The following ZFHX3 variants were observed in gnomAD, a reference collection of about 807,000 sequenced individuals.
ZFHX3 encodes the protein zinc finger homeobox protein 3.
Under a neutral mutation model 279.1 loss-of-function variants are expected in ZFHX3, and 42 were observed. The ratio of observed to expected loss-of-function variants is 0.15; its 90% confidence interval spans 0.12 to 0.19. ZFHX3 has a LOEUF of 0.19. Ranked by LOEUF, ZFHX3 falls within the 10% of genes least tolerant of loss-of-function variation. The pLI is 1.00. For synonymous variants in ZFHX3, 2,293 were observed against 1,957.8 expected, an observed-to-expected ratio of 1.17 and a Z score of -4.52; for missense variants, 4,981 against 4,754.0, an observed-to-expected ratio of 1.05 and a Z score of -1.40.
intron 3 of ZFHX3, among the ~76,000 whole-genome samples, chr16:73,421,962 T>A (rs1434584118): frequency 6.6e-6 from 1 of 152,150 alleles, no homozygotes; most frequent in Non-Finnish European, 1.5e-5. Flanking sequence ...CCTACAAGAT[T>A]CCAGGACAAA....
intron 1 of ZFHX3, among the ~76,000 whole-genome samples, chr16:72,969,298 A>C (rs1251456299): frequency 6.6e-6 from 1 of 152,178 alleles, no homozygotes; most frequent in Non-Finnish European, 1.5e-5. Flanking sequence ...CCTCCAGCCA[A>C]GAGGCTTCTA....
chr16:73,176,279 C>T (rs748275976), intron 5 of ZFHX3, among the ~76,000 whole-genome samples: 1 of 152,204 alleles, frequency 6.6e-6, no homozygotes, highest in Non-Finnish European at 1.5e-5. Flanking sequence ...TGAATTAACT[C>T]ATCAACTACC....
intron 2 of ZFHX3, among the ~76,000 whole-genome samples, chr16:73,469,000 G>A (rs2018618505): frequency 6.6e-6 from 1 of 152,218 alleles, no homozygotes. Context: ...TGTAAGGTAG[G>A]TAGTAGCATC....
intron 4 of ZFHX3, among the ~76,000 whole-genome samples, chr16:73,284,615 A>C (rs1212224586): frequency 1.3e-5 from 2 of 152,132 alleles, no homozygotes; most frequent in South Asian, 4.1e-4. Context: ...TCTTACGAGA[A>C]TATCATGAAA....
chr16:73,074,763 A>ATTCC (rs1261736053), intron 8 of ZFHX3, among the ~76,000 whole-genome samples: 1 of 147,170 alleles, frequency 6.8e-6, no homozygotes, highest in African/African-American at 2.5e-5. Context: ...CCTAAACCAA[A>ATTCC]TTCCTTCCTT....
chr16:73,162,267 T>A (rs1967256417), intron 5 of ZFHX3, among the ~76,000 whole-genome samples: 1 of 152,188 alleles, frequency 6.6e-6, no homozygotes. Flanking sequence ...GGTATTGGAT[T>A]GTTATAGCAG....
rs896409981 is a variant in ZFHX3 at position 73,855,730 on chromosome 16, C to A, written c.-1608+35921G>T. ...AACAAAACTAAACTTCCCAAATAAG[C>A]TACATGTGGAAAATGTCTCATCATC... is the stretch of plus-strand genomic sequence containing the variant. On this transcript the variant is annotated intron_variant, in intron 1 of 17. Coordinates refer to the ZFHX3 transcript ENST00000641206. 4.6e-5 allele frequency among the ~76,000 whole-genome samples: 7 copies of A among 152,210 alleles called. No homozygotes were observed. The East Asian group carries it at 5.8e-4, about 13-fold the overall frequency.
At chr16:72,821,050 A>G (rs1214502183) in intron 5 of ZFHX3, among the ~76,000 whole-genome samples, 1 of 152,160 alleles carries the variant, frequency 6.6e-6, no homozygotes, top group Non-Finnish European at 1.5e-5. Flanking sequence ...TATCTTCCTA[A>G]AATACTAAAT....
At chr16:73,703,510 G>T (rs954993129) in intron 1 of ZFHX3, among the ~76,000 whole-genome samples, 1 of 151,966 alleles carries the variant, frequency 6.6e-6, no homozygotes, top group African/African-American at 2.4e-5. Flanking sequence ...AAAAATTGAT[G>T]TGGGAAGGGG....
At chr16:73,494,720 C>G (rs932098923) in intron 2 of ZFHX3, among the ~76,000 whole-genome samples, 13 of 142,456 alleles carry the variant, frequency 9.1e-5, no homozygotes, top group African/African-American at 3.0e-4. Context: ...CCACCATGAC[C>G]GGCTAATTTT....
chr16:73,712,423 C>A (rs2053372244), intron 1 of ZFHX3, among the ~76,000 whole-genome samples: 1 of 152,192 alleles, frequency 6.6e-6, no homozygotes, highest in South Asian at 2.1e-4. Context: ...ATCTCTGACC[C>A]TTCCCCAGCC....
At chr16:73,635,158 C>G (rs975818720) in intron 2 of ZFHX3, among the ~76,000 whole-genome samples, 1 of 152,034 alleles carries the variant, frequency 6.6e-6, no homozygotes, top group Admixed American at 6.5e-5. Flanking sequence ...CCTAGGTAAT[C>G]TTGTCAAAGT....
At chr16:72,984,774 G>A (rs1334630295) in intron 1 of ZFHX3, among the ~76,000 whole-genome samples, 15 of 152,106 alleles carry the variant, frequency 9.9e-5, no homozygotes, top group Admixed American at 7.2e-4. Context: ...AGGCTGGGGC[G>A]AAGGGGCTAA....
In ZFHX3 at chr16:72,959,364, G is replaced by A. The variant is rs1408016900; in HGVS notation, c.782C>T (p.Pro261Leu). 1 of 1,614,232 alleles carries A rather than the reference G, an allele frequency of 6.2e-7. No homozygotes were observed. Among genetic ancestry groups the A allele is most frequent in the East Asian group, 2.2e-5 (1 of 44,884 alleles). The change falls in exon 2 of 10, where the codon CCC becomes CTC. Residue 261 changes from proline (P) to leucine (L), a missense_variant. Around this residue, in one of 7 missense-constraint regions of ZFHX3, gnomAD observed 1,068 missense variants for 935.2 expected, o/e 1.14. Coordinates refer to ENST00000268489, the MANE Select transcript of ZFHX3 (RefSeq NM_006885.4). ...AKSSCVSKDV[P>L]NNVDLSKFDG... ...GAATTTGGACAGGTCCACATTGTTG[G>A]GAACATCTTTGGATACGCAGGAGCT...
intron 3 of ZFHX3, among the ~76,000 whole-genome samples, chr16:73,434,619 T>C (rs1031149236): frequency 6.6e-6 from 1 of 152,068 alleles, no homozygotes; most frequent in African/African-American, 2.4e-5. Flanking sequence ...TGTTTTTTTT[T>C]TGTTGTTGCT....
At chr16:72,951,431 TTG>T (rs1352284962) in intron 2 of ZFHX3, among the ~76,000 whole-genome samples, 4 of 152,114 alleles carry the variant, frequency 2.6e-5, no homozygotes. Flanking sequence ...CAGCTAATTT[TTG>T]TCTTTTTTAG....
intron 3 of ZFHX3, among the ~76,000 whole-genome samples, chr16:73,358,964 A>C (rs1030916963): frequency 6.6e-6 from 1 of 152,252 alleles, no homozygotes; most frequent in African/African-American, 2.4e-5. Flanking sequence ...AAGTTGTTTC[A>C]AACAGTACCT....
At position 73,747,122 on chromosome 16, in the gene ZFHX3, C is replaced by A. The variant is rs1202882660; in HGVS notation, c.-1607-66882G>T. Among the ~76,000 whole-genome samples the A allele has an allele frequency of 2.0e-5, 3 of 152,194 alleles. No individual in the cohort carries two copies. In the East Asian group the frequency reaches 5.8e-4, roughly 29 times the overall value. On this transcript the variant is annotated intron_variant, in intron 1 of 17. Coordinates refer to the ZFHX3 transcript ENST00000641206. ...TATCTTACAGGGGTGAGTGCAAGGGCTCACACTTGTAATCCCAACACTTTG... is the reference window on the plus strand; with the variant it reads ...TATCTTACAGGGGTGAGTGCAAGGGATCACACTTGTAATCCCAACACTTTG...
chr16:73,216,153 G>A (rs1011271643), intron 5 of ZFHX3, among the ~76,000 whole-genome samples: 1 of 152,196 alleles, frequency 6.6e-6, no homozygotes, highest in African/African-American at 2.4e-5. Context: ...GTTTTAAGAT[G>A]CTAAGTTTCG....
Sources: gnomAD v4.1 joint callset for allele counts (sites outside exome capture counted in the v4.1 genomes callset) on GRCh38, gnomAD v4.1.1 for gene constraint, gnomAD v4.1.1 regional missense constraint, MANE v1.5 for transcripts, NCBI Gene and HGNC (gene_info 2026-07-23, HGNC 2026-07-21) for gene names.